The following MOSMO variants were observed in gnomAD, a reference collection of about 807,000 sequenced individuals.
MOSMO encodes the protein modulator of smoothened.
A neutral mutation model predicts 18.4 loss-of-function variants in MOSMO; 5 were observed. The ratio of observed to expected loss-of-function variants is 0.27; its 90% confidence interval spans 0.14 to 0.57. The LOEUF is 0.57. MOSMO is among the 20% of genes least tolerant of loss of function. MOSMO has a pLI of 0.92. For missense variants in MOSMO, 138 were observed against 211.8 expected, an observed-to-expected ratio of 0.65 and a Z score of 2.16; for synonymous variants, 82 against 82.3, an observed-to-expected ratio of 1.00 and a Z score of 0.02.
chr16:22,092,497 T>C (rs1000189972), downstream of MOSMO: 1 of 1,087,444 alleles, frequency 9.2e-7, no homozygotes, highest in East Asian at 2.8e-5. Flanking sequence ...GTCTGTTACC[T>C]TGGAGACCAG....
At chr16:22,058,283 G>A (rs1217943772) in intron 1 of MOSMO, among the ~76,000 whole-genome samples, 5 of 151,976 alleles carry the variant, frequency 3.3e-5, no homozygotes, top group East Asian at 3.9e-4. Context: ...AAAATTAGCC[G>A]GGCGTGATGG....
intron 1 of MOSMO, among the ~76,000 whole-genome samples, chr16:22,048,634 G>A (rs1444569366): frequency 6.6e-6 from 1 of 152,082 alleles, no homozygotes; most frequent in Admixed American, 6.5e-5. Flanking sequence ...ACCTAGTCAT[G>A]TATTCCAGAT....
intron 1 of MOSMO, among the ~76,000 whole-genome samples, chr16:22,020,541 C>T (rs972624250): frequency 1.6e-4 from 24 of 151,896 alleles, no homozygotes; most frequent in Non-Finnish European, 2.6e-4. Flanking sequence ...GTGATCCACC[C>T]GCATCGGCCT....
chr16:22,008,952 CG>C (rs1057212213), intron 1 of MOSMO, among the ~76,000 whole-genome samples: 7 of 151,910 alleles, frequency 4.6e-5, no homozygotes, highest in African/African-American at 1.7e-4. Flanking sequence ...AAGCTGCGGC[CG>C]GGGGCGAGCC....
At chr16:22,024,016 T>TATATATA (rs57968547) in intron 1 of MOSMO, among the ~76,000 whole-genome samples, 2 of 145,578 alleles carry the variant, frequency 1.4e-5, no homozygotes, top group East Asian at 2.4e-4. Flanking sequence ...TATATATATA[T>TATATATA]TTTCTTAAGA....
At chr16:22,092,512 C>T, downstream of MOSMO, 1 of 1,262,390 alleles carries the variant, frequency 7.9e-7, no homozygotes. Flanking sequence ...GACCAGCTAA[C>T]ACATTCCCGC....
intron 1 of MOSMO, among the ~76,000 whole-genome samples, chr16:22,050,515 A>C (rs751183853): frequency 5.9e-5 from 9 of 152,090 alleles, no homozygotes; most frequent in Non-Finnish European, 1.3e-4. Context: ...ACTGACTTCT[A>C]GTGAGTAAAG....
chr16:22,061,896 A>G (rs550363638), intron 1 of MOSMO, among the ~76,000 whole-genome samples: 1 of 152,336 alleles, frequency 6.6e-6, no homozygotes, highest in East Asian at 1.9e-4. Context: ...ATCACCTTAC[A>G]TTTTTAATCT....
intron 1 of MOSMO, among the ~76,000 whole-genome samples, chr16:22,061,556 C>G (rs1900645255): frequency 6.6e-6 from 1 of 152,190 alleles, no homozygotes; most frequent in South Asian, 2.1e-4. Context: ...GTTCTGGAAA[C>G]ACAGGGGTCA....
intron 1 of MOSMO, among the ~76,000 whole-genome samples, chr16:22,023,759 G>A (rs905382710): frequency 2.0e-4 from 31 of 152,052 alleles, no homozygotes; most frequent in African/African-American, 7.2e-4. Context: ...TCTCTGCTGT[G>A]CTCAGCTCCT....
chr16:22,046,340 G>A (rs1567507572), intron 1 of MOSMO, among the ~76,000 whole-genome samples: 1 of 152,076 alleles, frequency 6.6e-6, no homozygotes, highest in Non-Finnish European at 1.5e-5. Context: ...AGTGAATACT[G>A]GATCATTGCC....
chr16:22,079,028 G>A (rs751377574), intron 2 of MOSMO, among the ~76,000 whole-genome samples: 2 of 152,108 alleles, frequency 1.3e-5, no homozygotes, highest in African/African-American at 2.4e-5. Context: ...TACCTAAATC[G>A]TACAAGTAAG....
At chr16:22,027,136 G>T (rs1352418753) in intron 1 of MOSMO, among the ~76,000 whole-genome samples, 2 of 152,158 alleles carry the variant, frequency 1.3e-5, no homozygotes, top group Non-Finnish European at 2.9e-5. Flanking sequence ...ATTTGAAAAA[G>T]TGCTTTATAT....
chr16:22,074,769 A>G (rs1052572926), intron 1 of MOSMO, among the ~76,000 whole-genome samples: 3 of 152,098 alleles, frequency 2.0e-5, no homozygotes, highest in African/African-American at 7.2e-5. Flanking sequence ...TACCTTCATA[A>G]TTTGCCTTTG....
intron 1 of MOSMO, among the ~76,000 whole-genome samples, chr16:22,073,682 G>A (rs981941390): frequency 1.3e-5 from 2 of 151,708 alleles, no homozygotes; most frequent in East Asian, 3.9e-4. Context: ...TAAAAGGTTA[G>A]CAATAAATAG....
intron 1 of MOSMO, among the ~76,000 whole-genome samples, chr16:22,067,747 C>T (rs1016505460): frequency 3.3e-5 from 5 of 152,080 alleles, no homozygotes; most frequent in Non-Finnish European, 7.4e-5. Context: ...GACGTGGTGG[C>T]ACATGCCTGT....
At chr16:22,045,290 C>T (rs750286023) in intron 1 of MOSMO, among the ~76,000 whole-genome samples, 3 of 151,644 alleles carry the variant, frequency 2.0e-5, no homozygotes. Flanking sequence ...ATAGTTAATT[C>T]ATAGTGTAAA....
At chr16:22,028,277 G>T (rs1473719662) in intron 1 of MOSMO, among the ~76,000 whole-genome samples, 1 of 151,684 alleles carries the variant, frequency 6.6e-6, no homozygotes, top group Non-Finnish European at 1.5e-5. Flanking sequence ...AAGCAGTGTA[G>T]AAGTTATAAT....
At chr16:22,072,861 T>C (rs1900885862) in intron 1 of MOSMO, among the ~76,000 whole-genome samples, 1 of 152,130 alleles carries the variant, frequency 6.6e-6, no homozygotes, top group Non-Finnish European at 1.5e-5. Context: ...GCCTTCTGTT[T>C]GTCGATTAGC....
Sources: gnomAD v4.1 joint callset for allele counts (sites outside exome capture counted in the v4.1 genomes callset) on GRCh38, gnomAD v4.1.1 for gene constraint, MANE v1.5 for transcripts, NCBI Gene and HGNC (gene_info 2026-07-23, HGNC 2026-07-21) for gene names.